Variants in PXDC1 observed in about 807,000 individuals in gnomAD.
PXDC1 encodes the protein PX domain-containing protein 1.
In PXDC1, 13 loss-of-function variants were observed where a neutral mutation model predicts 24.4. The observed-to-expected ratio is 0.53, with a 90% confidence interval of 0.35 to 0.85. The LOEUF (loss-of-function observed/expected upper bound fraction) is 0.85, where lower values mean the gene tolerates loss of function less well. PXDC1 is among the 40% of genes least tolerant of loss of function. PXDC1 has a pLI of 0.01. For missense variants in PXDC1, 344 were observed against 309.3 expected (o/e 1.11, Z -0.84); for synonymous variants, 162 against 124.9 (o/e 1.30, Z -1.98).
At position 3,722,870 on chromosome 6, in the gene PXDC1, C is replaced by T. The variant is rs1759970163; in HGVS notation, c.*749G>A. ...ACCCCAGGGTGGTGTGGCCGCAGCA[C>T]CAGGACCCGCGCTGAAGGCCCAGAG... On this transcript the variant is annotated 3_prime_UTR_variant, in exon 5 of 5. Transcript: ENST00000380283. 6.6e-6 allele frequency: 1 copy of T among 151,782 alleles called. No individual in the cohort carries two copies. Among genetic ancestry groups the T allele is most frequent in the Non-Finnish European group, 1.5e-5 (1 of 67,904 alleles). The allele number at this position is 151,782 out of a possible 1,614,324, so 9.4% of individuals were successfully genotyped here.
At chr6:3,730,915 C>T (rs185293391) in intron 3 of PXDC1, among the ~76,000 whole-genome samples, 2 of 152,336 alleles carry the variant, frequency 1.3e-5, no homozygotes, top group Admixed American at 1.3e-4. Context: ...CTACTTATGC[C>T]TGGAGAGCAG....
In PXDC1 at chr6:3,738,863, T is replaced by C. The variant is rs971734320; in HGVS notation, c.257-715A>G. On this transcript the variant is annotated intron_variant, in intron 1 of 4. Transcript: ENST00000380283. ...CATGAGAAGCGCAGAGCAGAAGTCTTCCCATCACAGGTTCTATCCGTCGGC... is the reference window on the plus strand; with the variant it reads ...CATGAGAAGCGCAGAGCAGAAGTCTCCCCATCACAGGTTCTATCCGTCGGC... 10 of 1,303,110 alleles carry C rather than the reference T, an allele frequency of 7.7e-6. No individual in the cohort carries two copies. The Admixed American group carries it at 1.8e-4, about 24-fold the overall frequency. The allele number at this position is 1,303,110 out of a possible 1,614,324, so 80.7% of individuals were successfully genotyped here.
intron 1 of PXDC1, among the ~76,000 whole-genome samples, chr6:3,743,039 A>C (rs892682497): frequency 2.4e-4 from 36 of 152,210 alleles, no homozygotes; most frequent in African/African-American, 7.7e-4. Context: ...AACGTTAACA[A>C]ACACCGCTTC....
chr6:3,743,832 CA>C (rs1346976932), intron 1 of PXDC1, among the ~76,000 whole-genome samples: 1 of 152,230 alleles, frequency 6.6e-6, no homozygotes, highest in Non-Finnish European at 1.5e-5. Flanking sequence ...TGCAATGCAT[CA>C]GGGGCGCCCA....
At chr6:3,750,118 G>A (rs1760667795) in intron 1 of PXDC1, among the ~76,000 whole-genome samples, 2 of 152,240 alleles carry the variant, frequency 1.3e-5, no homozygotes, top group South Asian at 2.1e-4. Flanking sequence ...CCTTCCAAAA[G>A]ATGTGTCATG....
intron 1 of PXDC1, among the ~76,000 whole-genome samples, chr6:3,739,596 C>T (rs993707683): frequency 5.9e-5 from 9 of 152,244 alleles, no homozygotes; most frequent in African/African-American, 2.2e-4. Flanking sequence ...TACGCCCAAG[C>T]ACGATGCCCT....
At chr6:3,726,598 C>G (rs914578207) in intron 4 of PXDC1, among the ~76,000 whole-genome samples, 1 of 152,256 alleles carries the variant, frequency 6.6e-6, no homozygotes, top group Non-Finnish European at 1.5e-5. Context: ...AGGCCCAGGC[C>G]GCCGGCTGGG....
intron 1 of PXDC1, among the ~76,000 whole-genome samples, chr6:3,748,453 C>T (rs1760618811): frequency 6.6e-6 from 1 of 152,076 alleles, no homozygotes; most frequent in Non-Finnish European, 1.5e-5. Flanking sequence ...CAGGAGAGAG[C>T]GCTAGTGAGC....
chr6:3,726,077 C>A (rs1045928335), intron 4 of PXDC1, among the ~76,000 whole-genome samples: 2 of 152,196 alleles, frequency 1.3e-5, no homozygotes, highest in Non-Finnish European at 2.9e-5. Context: ...GTTGAACCTG[C>A]CTCCTAAATC....
intron 1 of PXDC1, chr6:3,739,024 A>G: frequency 8.1e-7 from 1 of 1,232,106 alleles, no homozygotes; most frequent in Non-Finnish European, 1.0e-6. Context: ...TTAATGGCAA[A>G]AACCGTGATT....
intron 3 of PXDC1, among the ~76,000 whole-genome samples, chr6:3,729,560 C>G (rs1179790387): frequency 1.3e-5 from 2 of 152,218 alleles, no homozygotes; most frequent in African/African-American, 4.8e-5. Flanking sequence ...CTGGGGTCAG[C>G]CACACTTCCA....
chr6:3,739,150 C>G, intron 1 of PXDC1: 1 of 1,162,542 alleles, frequency 8.6e-7, no homozygotes, highest in Non-Finnish European at 1.1e-6. Context: ...TCAAGCAATT[C>G]GTTGAATAGG....
Position 3,725,579 on chromosome 6 carries a change from C to T in PXDC1, c.579-1843G>A, listed in dbSNP as rs1040835626. Among the ~76,000 whole-genome samples, 2 of 152,188 alleles carry T rather than the reference C, an allele frequency of 1.3e-5. No homozygotes were observed. Among genetic ancestry groups the T allele is most frequent in the African/African-American group, 2.4e-5 (1 of 41,440 alleles). ...TGTGGGGGCCCTGCTGTGGGCCCGG[C>T]GGCACTGGGCTCACAGGCTCGGGCC... is the stretch of plus-strand genomic sequence containing the variant. On this transcript the variant is annotated intron_variant, in intron 4 of 4. Transcript: ENST00000380283. The surrounding 1 kb of genome is among the most constrained non-coding windows in gnomAD (Gnocchi z 4.8).
chr6:3,737,039 C>A lies in PXDC1; in HGVS notation c.466+40G>T. On this transcript the variant is annotated intron_variant, in intron 3 of 4. Transcript: ENST00000380283. The surrounding 1 kb of genome is among the most constrained non-coding windows in gnomAD (Gnocchi z 5.5). ...GGTTTCTGTGACATCTCAGCCTCAA[C>A]AGCAGTCCCTCCCACCAACGCCTCC... 1 of 1,207,900 alleles carries A rather than the reference C, an allele frequency of 8.3e-7. No homozygotes were observed. Among genetic ancestry groups the A allele is most frequent in the Non-Finnish European group, 1.2e-6 (1 of 809,484 alleles). 74.8% of individuals were successfully genotyped at this position (1,207,900 alleles called of 1,614,324 possible).
chr6:3,746,699 A>C (rs1358349323), intron 1 of PXDC1, among the ~76,000 whole-genome samples: 2 of 152,046 alleles, frequency 1.3e-5, no homozygotes, highest in Non-Finnish European at 2.9e-5. Context: ...GTGGCCCATG[A>C]TCATTTCTGA....
At chr6:3,738,219 A>G (rs919666397) in intron 1 of PXDC1, 71 bp from the exon 2 acceptor site, 13 of 1,124,110 alleles carry the variant, frequency 1.2e-5, no homozygotes, top group African/African-American at 6.1e-5. Context: ...GCAATACACA[A>G]CAGGTGCCCA....
chr6:3,730,109 C>T (rs1581242489), intron 3 of PXDC1, among the ~76,000 whole-genome samples: 1 of 152,152 alleles, frequency 6.6e-6, no homozygotes, highest in South Asian at 2.1e-4. Context: ...ATGTCTGGTG[C>T]CTCCTGCATG....
Position 3,728,288 on chromosome 6 carries a change from C to T in PXDC1, c.467-626G>A, listed in dbSNP as rs1024984720. Among the ~76,000 whole-genome samples, 4 of 152,208 alleles carry T rather than the reference C, an allele frequency of 2.6e-5. No individual in the cohort carries two copies. The highest frequency in any genetic ancestry group is 4.4e-5 in the Non-Finnish European group (3 of 68,038). On this transcript the variant is annotated intron_variant, in intron 3 of 4. Transcript: ENST00000380283. The surrounding 1 kb of genome is among the most constrained non-coding windows in gnomAD (Gnocchi z 4.0). Reference sequence around the variant, plus strand: ...AAGTAGTCTTTTATCCCTCACCCCACGAACCCAAAGTCCATGATATCATTC... The same window carrying T: ...AAGTAGTCTTTTATCCCTCACCCCATGAACCCAAAGTCCATGATATCATTC...
chr6:3,745,805 C>A (rs747867215), intron 1 of PXDC1, among the ~76,000 whole-genome samples: 1 of 152,202 alleles, frequency 6.6e-6, no homozygotes, highest in East Asian at 1.9e-4. Flanking sequence ...GCAAGCTCTT[C>A]CCTCCCCCTC....
Sources: allele counts gnomAD v4.1 joint callset (sites outside exome capture counted in the v4.1 genomes callset), GRCh38; gene constraint gnomAD v4.1.1; non-coding constraint Gnocchi (gnomAD v3.1); transcripts MANE v1.5; gene names NCBI Gene and HGNC (gene_info 2026-07-23, HGNC 2026-07-21).